The following CLASP1 variants were observed in gnomAD, a reference collection of about 807,000 sequenced individuals.
The protein encoded by CLASP1 is CLIP-associating protein 1.
A neutral mutation model predicts 192.3 loss-of-function variants in CLASP1; 38 were observed. That is an observed-to-expected ratio of 0.20 (90% CI 0.15 to 0.26). The LOEUF is 0.26. CLASP1 is among the 10% of genes least tolerant of loss of function. The pLI is 1.00. For synonymous variants in CLASP1, 691 were observed against 712.8 expected (o/e 0.97, Z 0.49); for missense variants, 1,433 against 1,932.5 (o/e 0.74, Z 4.85).
chr2:121,612,034 G>A (rs1232459410), intron 1 of CLASP1, among the ~76,000 whole-genome samples: 1 of 150,818 alleles, frequency 6.6e-6, no homozygotes, highest in Non-Finnish European at 1.5e-5. Context: ...AGAGGAACTG[G>A]AAGAGGAGGA....
chr2:121,614,826 G>C (rs11122864), intron 1 of CLASP1, among the ~76,000 whole-genome samples: 36,046 of 152,064 alleles, frequency 0.24, 6,509 homozygotes, highest in African/African-American at 0.5. Context: ...TACATACACA[G>C]AAAAGGCCTG....
At chr2:121,623,266 A>G (rs895888729) in intron 1 of CLASP1, among the ~76,000 whole-genome samples, 1 of 152,138 alleles carries the variant, frequency 6.6e-6, no homozygotes, top group East Asian at 1.9e-4. Flanking sequence ...GATTTAATCA[A>G]ATGTTTTTCC....
intron 1 of CLASP1, among the ~76,000 whole-genome samples, chr2:121,610,280 T>TGGA (rs1313896551): frequency 7.6e-6 from 1 of 131,188 alleles, no homozygotes; most frequent in Non-Finnish European, 1.6e-5. Context: ...GAAGAGAAAC[T>TGGA]GGAGGAGGAG....
chr2:121,551,174 C>G (rs1291946896), intron 2 of CLASP1, among the ~76,000 whole-genome samples: 2 of 152,098 alleles, frequency 1.3e-5, no homozygotes, highest in African/African-American at 2.4e-5. Flanking sequence ...AACACCCCTT[C>G]ATGTTATTAG....
intron 24 of CLASP1, among the ~76,000 whole-genome samples, chr2:121,410,180 A>G (rs1172906669): frequency 1.3e-5 from 2 of 152,188 alleles, no homozygotes; most frequent in African/African-American, 4.8e-5. Flanking sequence ...GAGCACATAA[A>G]CCAGAATATG....
At chr2:121,405,017 A>G (rs2076706862) in intron 25 of CLASP1, among the ~76,000 whole-genome samples, 1 of 152,186 alleles carries the variant, frequency 6.6e-6, no homozygotes, top group Admixed American at 6.5e-5. Flanking sequence ...GCTGTAAATA[A>G]GGTACTCTGG....
intron 14 of CLASP1, among the ~76,000 whole-genome samples, chr2:121,456,336 TAAA>T (rs546786110): frequency 1.5e-5 from 2 of 130,216 alleles, no homozygotes; most frequent in Admixed American, 7.9e-5. Context: ...CCCCCGTCTC[TAAA>T]AAAAAAAAAA....
In CLASP1 at chr2:121,447,064, T is replaced by A. The variant is rs62151064; in HGVS notation, c.1912+273A>T. Among the ~76,000 whole-genome samples, 337 of 151,180 alleles carry A rather than the reference T, an allele frequency of 2.2e-3. 1 individual carries two copies. Among genetic ancestry groups the A allele is most frequent in the Non-Finnish European group, 4.0e-3 (272 of 67,750 alleles). On this transcript the variant is annotated intron_variant, in intron 19 of 39. Transcript: ENST00000263710. Reference sequence around the variant, plus strand: ...GCTTGCCATGGAGGAAGAGGAAGAGTTGAGGAAAGGACGTGCTCAGTGCCA... The same window carrying A: ...GCTTGCCATGGAGGAAGAGGAAGAGATGAGGAAAGGACGTGCTCAGTGCCA...
At chr2:121,635,286 T>C (rs1483380710) in intron 1 of CLASP1, among the ~76,000 whole-genome samples, 2 of 151,564 alleles carry the variant, frequency 1.3e-5, no homozygotes, top group African/African-American at 2.4e-5. Flanking sequence ...GGAAAGCATA[T>C]GAAATACTGT....
At chr2:121,621,742 C>T (rs75004056) in intron 1 of CLASP1, among the ~76,000 whole-genome samples, 5,833 of 152,200 alleles carry the variant, frequency 0.038, 163 homozygotes, top group East Asian at 0.14. Flanking sequence ...AGTCCTCCAA[C>T]TTTTTTTCAA....
chr2:121,589,455 C>G (rs2062108634), intron 2 of CLASP1, among the ~76,000 whole-genome samples: 1 of 152,048 alleles, frequency 6.6e-6, no homozygotes, highest in African/African-American at 2.4e-5. Flanking sequence ...CATGGTAAAA[C>G]CCTGTCTCTA....
rs546411960 is a variant in CLASP1, at chr2:121,523,997, A to G, written c.546+1848T>C. Among the ~76,000 whole-genome samples, 3 of 152,336 alleles carry G rather than the reference A, an allele frequency of 2.0e-5. No homozygotes were observed. The South Asian group carries it at 6.2e-4, about 32-fold the overall frequency. ...TGCTCCCCTCCCCAAACCAGACTCT[A>G]GACAACGTCCCTTGTTGTAGTTCTG... On this transcript the variant is annotated intron_variant, in intron 6 of 39. Coordinates refer to ENST00000263710, the Ensembl canonical transcript of CLASP1.
At chr2:121,556,816 T>C (rs2058609847) in intron 2 of CLASP1, among the ~76,000 whole-genome samples, 1 of 152,210 alleles carries the variant, frequency 6.6e-6, no homozygotes. Context: ...ACTTCTGACA[T>C]GCATCTCCCC....
intron 34 of CLASP1, among the ~76,000 whole-genome samples, chr2:121,375,344 A>C (rs2069802556): frequency 6.6e-6 from 1 of 150,644 alleles, no homozygotes; most frequent in Non-Finnish European, 1.5e-5. Context: ...CTTTTCTTAT[A>C]AATTACCTAG....
chr2:121,380,786 C>CT (rs2071451994), intron 33 of CLASP1, among the ~76,000 whole-genome samples: 1 of 152,228 alleles, frequency 6.6e-6, no homozygotes, highest in Non-Finnish European at 1.5e-5. Flanking sequence ...TCAACTATCC[C>CT]TGCCTCCAAT....
intron 2 of CLASP1, among the ~76,000 whole-genome samples, chr2:121,536,911 A>G (rs2095098663): frequency 6.6e-6 from 1 of 152,242 alleles, no homozygotes; most frequent in Admixed American, 6.5e-5. Context: ...TGAATTGTAC[A>G]CAAAACTAGT....
In CLASP1 at chr2:121,478,667, A is replaced by C. The variant is rs1470415562; in HGVS notation, c.713-8707T>G. 4.4e-4 allele frequency among the ~76,000 whole-genome samples: 35 copies of C among 80,292 alleles called. No individual in the cohort carries two copies. In the East Asian group the frequency reaches 9.4e-3, roughly 21 times the overall value. 52.7% of individuals were successfully genotyped at this position (80,292 alleles called of 152,430 possible). On this transcript the variant is annotated intron_variant, in intron 8 of 39. Coordinates refer to ENST00000263710, the Ensembl canonical transcript of CLASP1. ...CACCCCCCACACACACACACCCCCCACACACACCACACACACACCCCACAC... is the reference window on the plus strand; with the variant it reads ...CACCCCCCACACACACACACCCCCCCCACACACCACACACACACCCCACAC...
At chr2:121,558,477 C>T (rs1575976925) in intron 2 of CLASP1, among the ~76,000 whole-genome samples, 1 of 152,338 alleles carries the variant, frequency 6.6e-6, no homozygotes, top group East Asian at 1.9e-4. Flanking sequence ...CATGAGGGCT[C>T]TGTCTTCACG....
At chr2:121,540,277 T>A (rs2095200543) in intron 2 of CLASP1, among the ~76,000 whole-genome samples, 1 of 152,114 alleles carries the variant, frequency 6.6e-6, no homozygotes, top group African/African-American at 2.4e-5. Context: ...ACAGTTACAC[T>A]CAGCAATACA....
Sources: gnomAD v4.1 joint callset for allele counts (sites outside exome capture counted in the v4.1 genomes callset) on GRCh38, gnomAD v4.1.1 for gene constraint, MANE v1.5 for transcripts, NCBI Gene and HGNC (gene_info 2026-07-23, HGNC 2026-07-21) for gene names.